Variants in CNTN6 observed in about 807,000 individuals in gnomAD.
The protein encoded by CNTN6 is contactin-6.
In CNTN6, 137 loss-of-function variants were observed where a neutral mutation model predicts 122.8. That is an observed-to-expected ratio of 1.12 (90% CI 0.97 to 1.29). The LOEUF (loss-of-function observed/expected upper bound fraction) is 1.29. Ranked by LOEUF, CNTN6 falls within the 50% of genes most tolerant of loss-of-function variation. The pLI, the probability that CNTN6 is intolerant of heterozygous loss-of-function variation, is 0.00. For synonymous variants in CNTN6, 570 were observed against 426.0 expected, an observed-to-expected ratio of 1.34 and a Z score of -4.16; for missense variants, 1,634 against 1,223.4, an observed-to-expected ratio of 1.34 and a Z score of -5.01.
At chr3:1,161,347 G>C (rs1348024690) in intron 2 of CNTN6, among the ~76,000 whole-genome samples, 2 of 143,186 alleles carry the variant, frequency 1.4e-5, no homozygotes, top group Non-Finnish European at 3.0e-5. Flanking sequence ...GTCAGGTCAT[G>C]GTTGAACTGC....
intron 7 of CNTN6, among the ~76,000 whole-genome samples, chr3:1,299,648 T>C (rs1575603598): frequency 6.6e-6 from 1 of 152,216 alleles, no homozygotes; most frequent in East Asian, 1.9e-4. Flanking sequence ...ATCTTATGTT[T>C]CTATTCAGAG....
intron 12 of CNTN6, among the ~76,000 whole-genome samples, chr3:1,363,256 C>G (rs1014570168): frequency 1.3e-5 from 2 of 151,894 alleles, no homozygotes; most frequent in African/African-American, 4.8e-5. Flanking sequence ...CACCTGAAAT[C>G]TAAACTCTTG....
At chr3:1,359,619 T>A (rs757794467) in intron 12 of CNTN6, among the ~76,000 whole-genome samples, 4 of 152,134 alleles carry the variant, frequency 2.6e-5, no homozygotes, top group Non-Finnish European at 5.9e-5. Flanking sequence ...AAATGCTGCA[T>A]GTAGATTTTA....
chr3:1,332,689 C>T (rs1702493629), intron 11 of CNTN6, among the ~76,000 whole-genome samples: 2 of 151,948 alleles, frequency 1.3e-5, no homozygotes, highest in African/African-American at 2.4e-5. Context: ...TTGGCAAAGT[C>T]ATTTGTCTTC....
At chr3:1,371,187 C>G (rs1397753857) in intron 12 of CNTN6, among the ~76,000 whole-genome samples, 2 of 152,046 alleles carry the variant, frequency 1.3e-5, no homozygotes, top group African/African-American at 4.8e-5. Flanking sequence ...AATGCAATCT[C>G]AATGTTAGTT....
intron 2 of CNTN6, among the ~76,000 whole-genome samples, chr3:1,159,052 C>T (rs2093060955): frequency 6.7e-6 from 1 of 149,910 alleles, no homozygotes; most frequent in African/African-American, 2.5e-5. Context: ...TCCCAAGTAA[C>T]AGACTCAAAT....
chr3:1,340,316 A>G (rs1402798270), intron 11 of CNTN6, among the ~76,000 whole-genome samples: 6 of 152,152 alleles, frequency 3.9e-5, no homozygotes, highest in Admixed American at 3.3e-4. Flanking sequence ...AAATAGTGAT[A>G]TGCAAGGTAA....
intron 17 of CNTN6, among the ~76,000 whole-genome samples, chr3:1,377,686 G>A (rs1291901299): frequency 1.3e-5 from 2 of 152,132 alleles, no homozygotes; most frequent in African/African-American, 2.4e-5. Flanking sequence ...CTCAGCCTAA[G>A]AATTCTATAG....
At chr3:1,382,812 A>G (rs1692112246) in intron 17 of CNTN6, 130 bp from the exon 18 acceptor site, 3 of 629,936 alleles carry the variant, frequency 4.8e-6, no homozygotes, top group South Asian at 4.7e-5. Context: ...GTGTTTTTTA[A>G]TACATCATTA....
chr3:1,114,155 A>G (rs114739193), intron 1 of CNTN6, among the ~76,000 whole-genome samples: 147 of 152,344 alleles, frequency 9.6e-4, no homozygotes, highest in Admixed American at 1.6e-3. Flanking sequence ...ATACACCATT[A>G]TAATCGCAGA....
chr3:1,315,512 T>G (rs1699971637), intron 7 of CNTN6, among the ~76,000 whole-genome samples: 1 of 152,024 alleles, frequency 6.6e-6, no homozygotes, highest in Admixed American at 6.6e-5. Context: ...TAATTAGCAT[T>G]GTTAGCAGCT....
intron 21 of CNTN6, among the ~76,000 whole-genome samples, 162 bp from the exon 22 acceptor site, chr3:1,402,156 A>C (rs1169790617): frequency 1.3e-5 from 2 of 151,854 alleles, no homozygotes; most frequent in Non-Finnish European, 2.9e-5. Context: ...TTTTCTTAAC[A>C]GGAGCAATGG....
At chr3:1,345,147 CACTT>C (rs1298238757) in intron 11 of CNTN6, among the ~76,000 whole-genome samples, 4 of 149,866 alleles carry the variant, frequency 2.7e-5, no homozygotes, top group African/African-American at 9.9e-5. Context: ...GACAGGGTCT[CACTT>C]AGTCCACCAG....
At chr3:1,276,856 C>G (rs575312095) in intron 4 of CNTN6, among the ~76,000 whole-genome samples, 33 of 152,276 alleles carry the variant, frequency 2.2e-4, no homozygotes, top group South Asian at 4.1e-4. Context: ...AGCTATGTTT[C>G]TGCTCCAGCT....
intron 16 of CNTN6, among the ~76,000 whole-genome samples, chr3:1,375,259 C>G (rs145583728): frequency 2.2e-3 from 332 of 152,152 alleles, no homozygotes; most frequent in African/African-American, 7.8e-3. Flanking sequence ...ACAGGGTTGA[C>G]AGAAACTCTT....
intron 11 of CNTN6, among the ~76,000 whole-genome samples, chr3:1,339,190 T>G (rs1264865031): frequency 6.6e-6 from 1 of 152,104 alleles, no homozygotes; most frequent in Non-Finnish European, 1.5e-5. Context: ...AAAATTGAAC[T>G]AATCTGGCTA....
At chr3:1,342,645 G>A (rs1222303589) in intron 11 of CNTN6, among the ~76,000 whole-genome samples, 1 of 151,878 alleles carries the variant, frequency 6.6e-6, no homozygotes, top group Non-Finnish European at 1.5e-5. Context: ...TAGGACAGAG[G>A]CTAAAAAAAA....
At chr3:1,174,890 C>T (rs963126403) in intron 2 of CNTN6, among the ~76,000 whole-genome samples, 4 of 152,300 alleles carry the variant, frequency 2.6e-5, no homozygotes, top group South Asian at 2.1e-4. Context: ...CGCCCACACA[C>T]GCGTGTGCAC....
chr3:1,306,565 G>C (rs2125910663), intron 7 of CNTN6, among the ~76,000 whole-genome samples: 1 of 152,278 alleles, frequency 6.6e-6, no homozygotes, highest in East Asian at 1.9e-4. Context: ...AATAGAGCAG[G>C]ATTGGAGTCT....
Sources: gnomAD v4.1 joint callset for allele counts (sites outside exome capture counted in the v4.1 genomes callset) on GRCh38, gnomAD v4.1.1 for gene constraint, MANE v1.5 for transcripts, NCBI Gene and HGNC (gene_info 2026-07-23, HGNC 2026-07-21) for gene names.